Variants in PAH observed in about 807,000 individuals in gnomAD.
The protein encoded by PAH is phenylalanine hydroxylase.
A neutral mutation model predicts 62.0 loss-of-function variants in PAH; 64 were observed. The ratio of observed to expected loss-of-function variants is 1.03; its 90% CI spans 0.84 to 1.27. PAH has a LOEUF of 1.27. Among genes scored for constraint, PAH ranks in the 50% most tolerant of loss-of-function variants. The pLI is 0.00. For synonymous variants in PAH, 195 were observed against 196.2 expected (o/e 0.99, Z 0.05); for missense variants, 579 against 542.8 (o/e 1.07, Z -0.66).
chr12:102,919,445 C>T (rs1429426301), upstream of PAH, among the ~76,000 whole-genome samples: 1 of 152,146 alleles, frequency 6.6e-6, no homozygotes, highest in Non-Finnish European at 1.5e-5. Flanking sequence ...GTGTTGCAAA[C>T]AAGCCAATTA....
At chr12:102,937,145 C>G (rs1423089320) in intron 1 of PAH, among the ~76,000 whole-genome samples, 1 of 152,182 alleles carries the variant, frequency 6.6e-6, no homozygotes, top group East Asian at 1.9e-4. Flanking sequence ...CCCTGCAGAA[C>G]TGTGAGTCAA....
intron 3 of PAH, 21 bp from the exon 4 acceptor site, chr12:102,877,571 C>T (rs1386323756): frequency 9.5e-6 from 15 of 1,582,410 alleles, no homozygotes; most frequent in Middle Eastern, 1.7e-4. Flanking sequence ...GAGAAGGCAA[C>T]GTCCTGAGTA....
In PAH at chr12:102,880,241, T is replaced by C. The variant is rs151187059; in HGVS notation, c.353-2691A>G. On this transcript the variant is annotated intron_variant, in intron 3 of 12. Coordinates refer to ENST00000553106, the MANE Select transcript of PAH (RefSeq NM_000277.3). ...TTCCTCAGTGGGTCCAGCATTTGCG[T>C]TGTACACTGAACCTCTGTTGTCAGT... Among the ~76,000 whole-genome samples the C allele has an allele frequency of 2.2e-3, 342 of 152,286 alleles. 2 individuals are homozygous for C. Among genetic ancestry groups the C allele is most frequent in the African/African-American group, 7.6e-3 (316 of 41,558 alleles).
At chr12:102,948,469 A>G (rs1387929021) in intron 1 of PAH, among the ~76,000 whole-genome samples, 1 of 152,172 alleles carries the variant, frequency 6.6e-6, no homozygotes, top group Non-Finnish European at 1.5e-5. Context: ...AAGTCAAGGA[A>G]GCGAAAGGCT....
At position 102,894,804 on chromosome 12, in the gene PAH, T is replaced by A. The variant is rs62508682; in HGVS notation, c.283A>T (p.Ile95Phe). The A allele has an allele frequency of 8.1e-6, 13 of 1,613,928 alleles. No individual in the cohort carries two copies. Residue 95 changes from isoleucine (I) to phenylalanine (F), a missense_variant, in exon 3 of 13, where the codon ATC (isoleucine) becomes TTC (phenylalanine). Physicochemically the swap from Ile to Phe is conservative, Grantham distance 21. Transcript: ENST00000553106. ...CCAATGTCATGCCTCAAGATCTTGATGATGTTTGTCAGAGCAGGCAGGCTA... is the reference window on the plus strand; with the variant it reads ...CCAATGTCATGCCTCAAGATCTTGAAGATGTTTGTCAGAGCAGGCAGGCTA... ...KRSLPALTNI[I>F]KILRHDIGAT...
intron 2 of PAH, among the ~76,000 whole-genome samples, chr12:102,899,445 C>T (rs7131709): frequency 0.17 from 25,514 of 152,084 alleles, 2,492 homozygotes; most frequent in Admixed American, 0.33. Context: ...AGAGATTTAA[C>T]TTATGGGAAA....
chr12:102,915,368 G>A lies in PAH; in HGVS notation c.60+1703C>T, dbSNP rs1263627730. ...TTACATTACAGATGGGGAAAACTTA[G>A]AGCCAAAGGGAGAAAATAACTCACC... On this transcript the variant is annotated intron_variant, in intron 1 of 12. Coordinates refer to ENST00000553106, the MANE Select transcript of PAH (RefSeq NM_000277.3). Among the ~76,000 whole-genome samples, 4 of 152,186 alleles carry A rather than the reference G, an allele frequency of 2.6e-5. No individual in the cohort carries two copies. The East Asian group carries it at 7.7e-4, about 29-fold the overall frequency.
At chr12:102,861,330 A>G (rs558354994) in intron 5 of PAH, among the ~76,000 whole-genome samples, 53 of 152,352 alleles carry the variant, frequency 3.5e-4, no homozygotes, top group Non-Finnish European at 6.9e-4. Flanking sequence ...GTCAGGAAAC[A>G]ACAGGTGCTG....
At chr12:102,935,976 CTTGT>C (rs915139962) in intron 1 of PAH, among the ~76,000 whole-genome samples, 64 of 151,146 alleles carry the variant, frequency 4.2e-4, no homozygotes, top group African/African-American at 1.4e-3. Context: ...GCATTGATAG[CTTGT>C]TTATTTGAAT....
At chr12:102,917,355 C>A, upstream of PAH, 2 of 574,246 alleles carry the variant, frequency 3.5e-6, no homozygotes, top group Non-Finnish European at 6.3e-6. Flanking sequence ...GTCACCTGCC[C>A]AGGACGGGCC....
chr12:102,897,209 C>G (rs748759953), intron 2 of PAH, among the ~76,000 whole-genome samples: 56 of 152,096 alleles, frequency 3.7e-4, no homozygotes, highest in Admixed American at 6.6e-4. Flanking sequence ...ACTAGAGGAT[C>G]CATGTTTCTC....
chr12:102,842,756 C>T (rs1874647628), intron 11 of PAH, among the ~76,000 whole-genome samples: 1 of 152,138 alleles, frequency 6.6e-6, no homozygotes. Flanking sequence ...GTCATTTATT[C>T]TATCACCACT....
At chr12:102,900,462 TA>T (rs921051871) in intron 2 of PAH, among the ~76,000 whole-genome samples, 5 of 152,104 alleles carry the variant, frequency 3.3e-5, no homozygotes, top group African/African-American at 7.2e-5. Context: ...AAAAAATGTT[TA>T]AAAAATTATG....
At chr12:102,895,041 T>C in intron 2 of PAH, 123 bp from the exon 3 acceptor site, 1 of 770,944 alleles carries the variant, frequency 1.3e-6, no homozygotes, top group Non-Finnish European at 2.2e-6. Flanking sequence ...CAATTATTTT[T>C]ATAAGAGTAT....
intron 1 of PAH, chr12:102,916,586 C>A: frequency 5.0e-6 from 1 of 200,876 alleles, no homozygotes; most frequent in South Asian, 9.0e-5. Context: ...TCTGAATTCT[C>A]TTCATGCCTC....
At chr12:102,922,481 C>G (rs1344845532) in intron 1 of PAH, among the ~76,000 whole-genome samples, 1 of 152,160 alleles carries the variant, frequency 6.6e-6, no homozygotes, top group Non-Finnish European at 1.5e-5. Flanking sequence ...CGTGAGTCAC[C>G]ACGCCCGGCC....
At chr12:102,950,052 TTCTG>T (rs1466801558) in intron 1 of PAH, 3 of 152,266 alleles carry the variant, frequency 2.0e-5, no homozygotes, top group Admixed American at 6.5e-5. Flanking sequence ...TGTTATCTAT[TTCTG>T]TCTGTTTGTA....
chr12:102,909,662 G>T (rs1592987185), intron 2 of PAH, among the ~76,000 whole-genome samples: 2 of 152,180 alleles, frequency 1.3e-5, no homozygotes, highest in South Asian at 4.2e-4. Flanking sequence ...TAAAAACTCA[G>T]GGTAAAAATT....
intron 4 of PAH, chr12:102,877,172 AATG>A: frequency 2.2e-6 from 1 of 453,092 alleles, no homozygotes; most frequent in Admixed American, 3.4e-5. Flanking sequence ...AGGCAGAAAC[AATG>A]ATGATTTGCA....
Sources: gnomAD v4.1 joint callset for allele counts (sites outside exome capture counted in the v4.1 genomes callset) on GRCh38, gnomAD v4.1.1 for gene constraint, MANE v1.5 for transcripts, NCBI Gene and HGNC (gene_info 2026-07-23, HGNC 2026-07-21) for gene names.